Variants in SEC63 observed in about 807,000 individuals in gnomAD.
SEC63 encodes the protein translocation protein SEC63 homolog.
A neutral mutation model predicts 116.2 loss-of-function variants in SEC63; 56 were observed. That is an observed-to-expected ratio of 0.48 (90% CI 0.39 to 0.60). The LOEUF (loss-of-function observed/expected upper bound fraction) is 0.60, where lower values mean the gene tolerates loss of function less well. SEC63 is among the 20% of genes least tolerant of loss of function. SEC63 has a pLI of 0.00. For synonymous variants in SEC63, 273 were observed against 294.6 expected (o/e 0.93, Z 0.75); for missense variants, 668 against 900.0 (o/e 0.74, Z 3.30).
intron 19 of SEC63, 38 bp from the exon 20 acceptor site, chr6:107,872,950 G>T: frequency 7.4e-7 from 1 of 1,347,918 alleles, no homozygotes; most frequent in South Asian, 1.3e-5. Context: ...TCTGTATTAT[G>T]GGGAGGAAAC....
rs190896409 is a variant in SEC63 at position 107,874,405 on chromosome 6, T to C, written c.2035-1493A>G. On this transcript the variant is annotated intron_variant, in intron 19 of 20. Coordinates refer to ENST00000369002, the MANE Select transcript of SEC63 (RefSeq NM_007214.5). ...GTCAGGAGATTGAGACCATCATGGC[T>C]AACACAGTGAAACCCCGTCTCTACT... is the stretch of plus-strand genomic sequence containing the variant. 1.0e-3 allele frequency among the ~76,000 whole-genome samples: 157 copies of C among 152,028 alleles called. 1 individual carries two copies. Among genetic ancestry groups the C allele is most frequent in the Non-Finnish European group, 1.3e-3 (87 of 67,960 alleles).
At chr6:107,904,035 T>C (rs1220618712) in intron 11 of SEC63, among the ~76,000 whole-genome samples, 2 of 150,484 alleles carry the variant, frequency 1.3e-5, no homozygotes, top group Admixed American at 6.6e-5. Flanking sequence ...GGAGAATCAC[T>C]TGACCCTGGG....
rs564652288 is a variant in SEC63, at chr6:107,868,580, T to C, written c.*3124A>G. On this transcript the variant is annotated 3_prime_UTR_variant, in exon 21 of 21. Transcript: ENST00000369002. Reference sequence around the variant, plus strand: ...CTGGAGGACAGAGCGAGACTCCGTCTTAAGAAGAAAAAGAGAAAGAGAGAA... The same window carrying C: ...CTGGAGGACAGAGCGAGACTCCGTCCTAAGAAGAAAAAGAGAAAGAGAGAA... 6.6e-6 allele frequency: 1 copy of C among 151,584 alleles called. No individual in the cohort carries two copies. The highest frequency in any genetic ancestry group is 2.0e-4 in the East Asian group (1 of 5,124). 9.4% of individuals were successfully genotyped at this position (151,584 alleles called of 1,614,324 possible). A position where few individuals can be genotyped will look rare whatever the true frequency, so the allele number is the denominator to read the frequency against.
In SEC63 at chr6:107,874,054, G is replaced by A. The variant is rs114674662; in HGVS notation, c.2035-1142C>T. Among the ~76,000 whole-genome samples the A allele has an allele frequency of 2.2e-3, 336 of 152,150 alleles. 2 individuals are homozygous for A. The highest frequency in any genetic ancestry group is 7.8e-3 in the African/African-American group (325 of 41,500). ...AAATATCACCCCACAGATTAGAGGGGGAGAAAAATACCTTTACAATAGAGA... is the reference window on the plus strand; with the variant it reads ...AAATATCACCCCACAGATTAGAGGGAGAGAAAAATACCTTTACAATAGAGA... On this transcript the variant is annotated intron_variant, in intron 19 of 20. Transcript: ENST00000369002.
intron 1 of SEC63, among the ~76,000 whole-genome samples, chr6:107,952,071 A>G (rs1470872181): frequency 2.0e-5 from 3 of 152,302 alleles, no homozygotes; most frequent in Middle Eastern, 3.4e-3. Flanking sequence ...TTATCATTGC[A>G]TACAGAGCTT....
At chr6:107,942,592 A>G (rs1378170463) in intron 1 of SEC63, among the ~76,000 whole-genome samples, 1 of 152,246 alleles carries the variant, frequency 6.6e-6, no homozygotes, top group African/African-American at 2.4e-5. Context: ...ATTATATAGT[A>G]CAGTTAACCC....
chr6:107,945,656 G>A (rs1770468357), intron 1 of SEC63, among the ~76,000 whole-genome samples: 1 of 151,958 alleles, frequency 6.6e-6, no homozygotes, highest in South Asian at 2.1e-4. Flanking sequence ...GAAACAATGT[G>A]ATGGTGAAAT....
intron 7 of SEC63, among the ~76,000 whole-genome samples, chr6:107,911,006 C>T (rs555881644): frequency 3.3e-5 from 5 of 152,152 alleles, no homozygotes; most frequent in South Asian, 2.1e-4. Context: ...CCACCATGCC[C>T]GGTCAGTTGT....
chr6:107,951,180 T>C (rs1054499345), intron 1 of SEC63, among the ~76,000 whole-genome samples: 9 of 152,196 alleles, frequency 5.9e-5, no homozygotes, highest in Non-Finnish European at 7.3e-5. Context: ...CACAGCACAG[T>C]ATTGTTGGCA....
At chr6:107,897,360 A>T (rs898862080) in intron 14 of SEC63, among the ~76,000 whole-genome samples, 2 of 152,240 alleles carry the variant, frequency 1.3e-5, no homozygotes, top group East Asian at 3.8e-4. Context: ...TCTCATCAGT[A>T]ACAACTTCTG....
intron 7 of SEC63, 105 bp downstream of exon 7, chr6:107,911,241 T>C (rs1173990579): frequency 3.0e-5 from 24 of 808,434 alleles, no homozygotes; most frequent in Non-Finnish European, 5.0e-5. Context: ...AATTCAAGGA[T>C]CAATGGGTTA....
At chr6:107,874,572 G>T (rs998684723) in intron 19 of SEC63, among the ~76,000 whole-genome samples, 2 of 147,074 alleles carry the variant, frequency 1.4e-5, no homozygotes, top group Non-Finnish European at 1.5e-5. Flanking sequence ...CTCCAGCCTG[G>T]GCGACACAGT....
At chr6:107,876,768 G>A in intron 18 of SEC63, 106 bp from the exon 19 acceptor site, 5 of 711,486 alleles carry the variant, frequency 7.0e-6, no homozygotes, top group Non-Finnish European at 1.2e-5. Flanking sequence ...CCTCTGCACT[G>A]ACAAACTGCT....
Position 107,949,464 on chromosome 6 carries a change from C to T in SEC63, c.124+8422G>A, listed in dbSNP as rs544285836. Among the ~76,000 whole-genome samples, 3 of 151,592 alleles carry T rather than the reference C, an allele frequency of 2.0e-5. No individual in the cohort carries two copies. In the South Asian group the frequency reaches 6.3e-4, roughly 32 times the overall value. ...ACAAGCTTGAGCAACATGGCAAAAC[C>T]CAGTCTCTATTTAAAAATAAAATAA... On this transcript the variant is annotated intron_variant, in intron 1 of 20. Coordinates refer to ENST00000369002, the MANE Select transcript of SEC63 (RefSeq NM_007214.5).
intron 1 of SEC63, chr6:107,954,464 T>TAAAAAAAAAAAAAAATAAA (rs1770664460): frequency 4.9e-5 from 3 of 61,704 alleles, no homozygotes; most frequent in Admixed American, 1.9e-4. Context: ...AATGATCAAT[T>TAAAAAAAAAAAAAAATAAA]AAAAAAAAAA....
chr6:107,949,283 A>G (rs1258635716), intron 1 of SEC63, among the ~76,000 whole-genome samples: 1 of 152,194 alleles, frequency 6.6e-6, no homozygotes, highest in Non-Finnish European at 1.5e-5. Flanking sequence ...TGAAATTACA[A>G]TATTTAGGAT....
chr6:107,893,433 T>TTTGTATATTTTAGC, intron 16 of SEC63, 49 bp downstream of exon 16: 2 of 1,552,226 alleles, frequency 1.3e-6, no homozygotes, highest in Non-Finnish European at 1.8e-6. Flanking sequence ...AACATTTTAG[T>TTTGTATATTTTAGC]TTGTATATTT....
chr6:107,923,690 T>C (rs550279521), intron 3 of SEC63, among the ~76,000 whole-genome samples: 2 of 138,494 alleles, frequency 1.4e-5, no homozygotes, highest in South Asian at 4.2e-4. Flanking sequence ...CACACCCAGG[T>C]AATTTTTTTT....
At chr6:107,938,935 G>C (rs1485977567) in intron 1 of SEC63, among the ~76,000 whole-genome samples, 1 of 152,108 alleles carries the variant, frequency 6.6e-6, no homozygotes, top group Non-Finnish European at 1.5e-5. Context: ...TGACTATAAA[G>C]TTTTTCCCAA....
Sources: allele counts gnomAD v4.1 joint callset (sites outside exome capture counted in the v4.1 genomes callset), GRCh38; gene constraint gnomAD v4.1.1; transcripts MANE v1.5; gene names NCBI Gene and HGNC (gene_info 2026-07-23, HGNC 2026-07-21).